The following DZIP3 variants were observed in gnomAD, a reference collection of about 807,000 sequenced individuals.
The protein encoded by DZIP3 is E3 ubiquitin-protein ligase DZIP3.
Under a neutral mutation model 162.0 loss-of-function variants are expected in DZIP3, and 118 were observed. The ratio of observed to expected loss-of-function variants is 0.73; its 90% CI spans 0.63 to 0.85. The LOEUF (loss-of-function observed/expected upper bound fraction) is 0.85. DZIP3 is among the 40% of genes least tolerant of loss of function. The probability of loss-of-function intolerance (pLI) is 0.00; values close to 1 mark genes in which losing one functional copy is unlikely to be tolerated. For missense variants in DZIP3, 1,331 were observed against 1,407.0 expected (o/e 0.95, Z 0.86); for synonymous variants, 438 against 458.6 (o/e 0.96, Z 0.57).
At chr3:108,648,986 A>G in intron 17 of DZIP3, 24 bp downstream of exon 17, 1 of 1,113,190 alleles carries the variant, frequency 9.0e-7, no homozygotes, top group Non-Finnish European at 1.2e-6. Flanking sequence ...ATAGCATTAT[A>G]ATACTGATTA....
intron 28 of DZIP3, 91 bp from the exon 29 acceptor site, chr3:108,687,885 C>CGATAGGATTTTATA: frequency 6.5e-7 from 1 of 1,534,678 alleles, no homozygotes; most frequent in Non-Finnish European, 8.9e-7. Flanking sequence ...ATCAATCATG[C>CGATAGGATTTTATA]GATAGGATTT....
chr3:108,660,968 T>C (rs929255225), intron 19 of DZIP3, among the ~76,000 whole-genome samples: 3 of 152,204 alleles, frequency 2.0e-5, no homozygotes, highest in African/African-American at 7.2e-5. Flanking sequence ...TGGCAGTCAT[T>C]AAAAAGTCAG....
rs1200242694 is a variant in DZIP3, at chr3:108,688,920, C to G, written c.3512C>G (p.Ala1171Gly). ...SVLPCAHKFH[A>G]QCIRPWLMQQ... ...TTGCCTTGCGCTCACAAATTCCATG[C>G]TCAGGTAACACTTTAAATTTTCCCA... Residue 1171 changes from alanine (A) to glycine (G), a missense_variant, in exon 31 of 33, where the codon GCT (alanine) becomes GGT (glycine). Ala to Gly is a moderately conservative substitution (Grantham distance 60). Transcript: ENST00000361582. The G allele has an allele frequency of 1.9e-6, 3 of 1,613,860 alleles. No homozygotes were observed. The highest frequency in any genetic ancestry group is 2.5e-6 in the Non-Finnish European group (3 of 1,179,868).
chr3:108,692,453 A>G (rs1944734020), intron 32 of DZIP3, among the ~76,000 whole-genome samples: 1 of 152,188 alleles, frequency 6.6e-6, no homozygotes. Context: ...ATGTTTCTGA[A>G]TAGATCCAGT....
intron 19 of DZIP3, 133 bp from the exon 20 acceptor site, chr3:108,661,744 G>T (rs1305617102): frequency 3.2e-6 from 2 of 623,254 alleles, no homozygotes; most frequent in Non-Finnish European, 5.6e-6. Context: ...GGGGAGGTGG[G>T]TTTATCTAAA....
At position 108,688,642 on chromosome 3, in the gene DZIP3, C is replaced by T. The variant is rs1944580060; in HGVS notation, c.3320C>T (p.Ser1107Phe). Residue 1107 changes from serine (S) to phenylalanine (F), a missense_variant, in exon 30 of 33, where the codon TCT (serine) becomes TTT (phenylalanine). Around this residue, in one of 2 missense-constraint regions of DZIP3, gnomAD observed 1,278 missense variants for 1,317.1 expected, o/e 0.97. Coordinates refer to ENST00000361582, the MANE Select transcript of DZIP3 (RefSeq NM_014648.4). ...GTTAATTGTGTTTCACCTAGTCATT[C>T]TCCATCACAGCCTGATGCTGCCCAG... ...SNVNCVSPSH[S>F]PSQPDAAQPP... 2 of 1,614,006 alleles carry T rather than the reference C, an allele frequency of 1.2e-6. No homozygotes were observed. The highest frequency in any genetic ancestry group is 2.7e-5 in the African/African-American group (2 of 74,922).
intron 10 of DZIP3, 30 bp downstream of exon 10, chr3:108,635,002 G>A (rs1394276250): frequency 1.5e-6 from 2 of 1,346,268 alleles, no homozygotes; most frequent in Non-Finnish European, 2.1e-6. Context: ...AACTACAACA[G>A]CATTTCTTCC....
intron 14 of DZIP3, 51 bp downstream of exon 14, chr3:108,644,832 C>G: frequency 2.0e-6 from 3 of 1,533,552 alleles, no homozygotes; most frequent in Non-Finnish European, 2.7e-6. Context: ...GATTGAATGT[C>G]TGCTCTGTGC....
intron 19 of DZIP3, among the ~76,000 whole-genome samples, chr3:108,660,777 C>G (rs1257424478): frequency 8.4e-5 from 7 of 83,248 alleles, no homozygotes; most frequent in Admixed American, 1.5e-4. Context: ...GCAATGAACT[C>G]AAACAAATTT....
chr3:108,675,998 C>G, intron 25 of DZIP3, 125 bp downstream of exon 25: 1 of 798,550 alleles, frequency 1.3e-6, no homozygotes, highest in Non-Finnish European at 2.0e-6. Flanking sequence ...AAAGTTTATG[C>G]CTTCACTTTG....
In DZIP3 at chr3:108,657,154, C is replaced by G. The variant is rs147530339; in HGVS notation, c.2199+2844C>G. ...TACAGAGAACGCCACAAAGATACTA[C>G]TCGAGAAGAGCAACTCCAAGACACA... On this transcript the variant is annotated intron_variant, in intron 19 of 32. Transcript: ENST00000361582. 4.6e-3 allele frequency among the ~76,000 whole-genome samples: 699 copies of G among 152,254 alleles called. 8 individuals are homozygous for G. The highest frequency in any genetic ancestry group is 0.015 in the African/African-American group (641 of 41,542).
rs1328715957 is a variant in DZIP3, at chr3:108,616,573, G to A, written c.291G>A (p.Glu97=). Residue 97 remains glutamate, a synonymous_variant, in exon 5 of 33, where the codon GAG becomes GAA. Transcript: ENST00000361582. ...REVAANSQNG[E]EIVPALTLRF... The stretch of plus-strand genomic sequence containing the variant: ...TTGCAGCTAACAGCCAGAATGGTGA[G>A]GAAATTGTTCCTGCTTTGACTTTAC... The A allele has an allele frequency of 6.2e-7, 1 of 1,609,870 alleles. No homozygotes were observed. Among genetic ancestry groups the A allele is most frequent in the African/African-American group, 1.3e-5 (1 of 74,628 alleles).
At chr3:108,690,962 G>C (rs1944669409) in intron 32 of DZIP3, 59 bp downstream of exon 32, 1 of 1,452,408 alleles carries the variant, frequency 6.9e-7, no homozygotes, top group Non-Finnish European at 9.6e-7. Context: ...GCTTGTTTGA[G>C]TGGTGTAAAA....
rs1244872722 is a variant in DZIP3 at position 108,681,950 on chromosome 3, G to T, written c.2884-2266G>T. 3.3e-5 allele frequency among the ~76,000 whole-genome samples: 5 copies of T among 149,736 alleles called. 1 individual carries two copies. Among genetic ancestry groups the T allele is most frequent in the African/African-American group, 1.3e-4 (5 of 39,486 alleles). On this transcript the variant is annotated intron_variant, in intron 26 of 32. Transcript: ENST00000361582. ...TGTCGGGGGGTGGGGGCTGGGGAGG[G>T]ATAGCATTAGGAGAAATACCTAATG...
chr3:108,655,029 C>A (rs1943044862), intron 19 of DZIP3, among the ~76,000 whole-genome samples: 1 of 151,920 alleles, frequency 6.6e-6, no homozygotes, highest in African/African-American at 2.4e-5. Context: ...CTTTTTTCTC[C>A]TAATTAGAAT....
intron 5 of DZIP3, among the ~76,000 whole-genome samples, chr3:108,618,036 G>A (rs541238168): frequency 1.3e-5 from 2 of 152,268 alleles, no homozygotes; most frequent in East Asian, 3.9e-4. Flanking sequence ...GTCCTTCAAG[G>A]CCACCAAAAA....
chr3:108,625,987 C>T lies in DZIP3; in HGVS notation c.581+18C>T, dbSNP rs370543957. 4.9e-5 allele frequency: 79 copies of T among 1,607,974 alleles called. No individual in the cohort carries two copies. Among genetic ancestry groups the T allele is most frequent in the Admixed American group, 1.0e-4 (6 of 59,050 alleles). ...CAAAAGAGGTAAGGATTTTAATTAACGGGTAGATGTTGCCTGTGAAGTCTC... is the reference window on the plus strand; with the variant it reads ...CAAAAGAGGTAAGGATTTTAATTAATGGGTAGATGTTGCCTGTGAAGTCTC... On this transcript the variant is annotated intron_variant, in intron 7 of 32. Transcript: ENST00000361582.
At chr3:108,652,991 G>A (rs1559759300) in intron 18 of DZIP3, among the ~76,000 whole-genome samples, 1 of 151,838 alleles carries the variant, frequency 6.6e-6, no homozygotes, top group African/African-American at 2.4e-5. Context: ...CAATGCCTGA[G>A]TGTACTTTAA....
At chr3:108,659,669 A>T (rs1438300413) in intron 19 of DZIP3, among the ~76,000 whole-genome samples, 1 of 152,170 alleles carries the variant, frequency 6.6e-6, no homozygotes, top group East Asian at 1.9e-4. Context: ...AATAAAGGGT[A>T]TTCAATTAGG....
Sources: allele counts gnomAD v4.1 joint callset (sites outside exome capture counted in the v4.1 genomes callset), GRCh38; gene constraint gnomAD v4.1.1; regional missense constraint gnomAD v4.1.1; transcripts MANE v1.5; gene names NCBI Gene and HGNC (gene_info 2026-07-23, HGNC 2026-07-21).